Variants in ARSB observed in about 807,000 individuals in gnomAD.
ARSB encodes the protein arylsulfatase B.
In ARSB, 41 loss-of-function variants were observed where a neutral mutation model predicts 50.9. That is an observed-to-expected ratio of 0.81 (90% CI 0.63 to 1.04). The LOEUF (loss-of-function observed/expected upper bound fraction) is 1.04, where lower values mean the gene tolerates loss of function less well. Among genes scored for constraint, ARSB ranks in the 50% least tolerant of loss-of-function variants. The probability of loss-of-function intolerance (pLI) is 0.00; values close to 1 mark genes in which losing one functional copy is unlikely to be tolerated. For missense variants in ARSB, 672 were observed against 693.3 expected, an observed-to-expected ratio of 0.97 and a Z score of 0.35; for synonymous variants, 269 against 284.8, an observed-to-expected ratio of 0.94 and a Z score of 0.56.
intron 5 of ARSB, among the ~76,000 whole-genome samples, chr5:78,849,330 C>T (rs998280675): frequency 2.0e-5 from 3 of 152,274 alleles, no homozygotes; most frequent in East Asian, 1.9e-4. Flanking sequence ...GGAATCCTTT[C>T]CCCATTGCTT....
chr5:78,873,805 AT>A (rs1747357909), intron 5 of ARSB, among the ~76,000 whole-genome samples: 1 of 152,182 alleles, frequency 6.6e-6, no homozygotes, highest in Non-Finnish European at 1.5e-5. Flanking sequence ...TAAAACTGTA[AT>A]TTTTAAAAAC....
intron 4 of ARSB, among the ~76,000 whole-genome samples, chr5:78,933,238 G>A (rs757733481): frequency 1.3e-5 from 2 of 152,168 alleles, no homozygotes; most frequent in Admixed American, 6.5e-5. Flanking sequence ...ATATACCCAT[G>A]GATTGAAGAA....
chr5:78,818,900 T>C (rs940996688), intron 6 of ARSB, among the ~76,000 whole-genome samples: 19 of 152,138 alleles, frequency 1.2e-4, no homozygotes, highest in African/African-American at 4.6e-4. Flanking sequence ...TTGCAAGCAG[T>C]TGTTTATAGA....
rs529000230 is a variant in ARSB, at chr5:78,809,152, T to C, written c.1214-27178A>G. ...CAAAGAATGTGAATAAATAACTCTA[T>C]CATAATGGGCTAGAGCTACAGGTGC... On this transcript the variant is annotated intron_variant, in intron 6 of 7. Coordinates refer to ENST00000264914, the MANE Select transcript of ARSB (RefSeq NM_000046.5). Among the ~76,000 whole-genome samples the C allele has an allele frequency of 2.1e-4, 32 of 152,220 alleles. No homozygotes were observed. The Middle Eastern group carries it at 0.014, about 65-fold the overall frequency.
intron 4 of ARSB, among the ~76,000 whole-genome samples, chr5:78,914,860 T>A (rs1580054498): frequency 6.6e-6 from 1 of 151,998 alleles, no homozygotes; most frequent in Non-Finnish European, 1.5e-5. Flanking sequence ...AGAGGCAGGG[T>A]TTGGTCATGT....
chr5:78,916,845 T>A (rs1229967421), intron 4 of ARSB, among the ~76,000 whole-genome samples: 2 of 145,476 alleles, frequency 1.4e-5, no homozygotes, highest in African/African-American at 5.0e-5. Context: ...TATTTCAATG[T>A]CAAACTTTAA....
At chr5:78,905,787 C>T (rs1441863366) in intron 4 of ARSB, among the ~76,000 whole-genome samples, 2 of 151,912 alleles carry the variant, frequency 1.3e-5, no homozygotes, top group Non-Finnish European at 2.9e-5. Flanking sequence ...CACCCCCAAC[C>T]TCCGCTCCAG....
At chr5:78,985,362 C>A (rs1177644516), upstream of ARSB, 2 of 1,077,062 alleles carry the variant, frequency 1.9e-6, no homozygotes, top group Non-Finnish European at 2.3e-6. Flanking sequence ...ACGGCACCCC[C>A]AGCGGGCCGT....
chr5:78,943,598 T>C (rs1418175420), intron 4 of ARSB, among the ~76,000 whole-genome samples: 2 of 152,232 alleles, frequency 1.3e-5, no homozygotes, highest in Non-Finnish European at 2.9e-5. Context: ...GAATGTTGAA[T>C]ATTGGCCCCC....
intron 5 of ARSB, among the ~76,000 whole-genome samples, chr5:78,865,814 G>A (rs1177793945): frequency 6.6e-6 from 1 of 152,134 alleles, no homozygotes; most frequent in African/African-American, 2.4e-5. Flanking sequence ...TAGGGCAGGG[G>A]CAAAATGTCA....
In ARSB at chr5:78,876,850, T is replaced by C. The variant is rs145557770; in HGVS notation, c.1142+8734A>G. Among the ~76,000 whole-genome samples, 4 of 152,354 alleles carry C rather than the reference T, an allele frequency of 2.6e-5. No homozygotes were observed. The East Asian group carries it at 7.7e-4, about 29-fold the overall frequency. On this transcript the variant is annotated intron_variant, in intron 5 of 7. Transcript: ENST00000264914. The stretch of plus-strand genomic sequence containing the variant: ...GCTTTACTGCCTGAGTTCTGCCTTC[T>C]GTCAGATTAGTGGCAGCACTAAATC...
At chr5:78,971,401 G>C (rs897594880) in intron 1 of ARSB, among the ~76,000 whole-genome samples, 2 of 152,224 alleles carry the variant, frequency 1.3e-5, no homozygotes, top group Non-Finnish European at 2.9e-5. Context: ...GAATAAACAG[G>C]CTCTGGGGAC....
intron 6 of ARSB, among the ~76,000 whole-genome samples, chr5:78,790,300 T>A (rs1749201954): frequency 6.6e-6 from 1 of 152,088 alleles, no homozygotes; most frequent in Non-Finnish European, 1.5e-5. Flanking sequence ...GGCTGTGTGA[T>A]CTTGGTGTTA....
At chr5:78,965,544 T>C (rs988588375) in intron 2 of ARSB, among the ~76,000 whole-genome samples, 92 of 152,282 alleles carry the variant, frequency 6.0e-4, no homozygotes, top group African/African-American at 2.1e-3. Context: ...TACAATTGGA[T>C]TGCCATGATA....
chr5:78,820,450 A>C (rs1030335039), intron 6 of ARSB, among the ~76,000 whole-genome samples: 2 of 152,052 alleles, frequency 1.3e-5, no homozygotes, highest in Admixed American at 6.6e-5. Flanking sequence ...AGTCCCACCT[A>C]CTCGGGAGGC....
intron 5 of ARSB, among the ~76,000 whole-genome samples, chr5:78,856,235 C>T (rs986713859): frequency 3.9e-5 from 6 of 152,184 alleles, no homozygotes; most frequent in African/African-American, 1.4e-4. Flanking sequence ...TTAAGAATCA[C>T]TGCTCTCTGG....
At chr5:78,839,863 A>C (rs767417367) in intron 5 of ARSB, among the ~76,000 whole-genome samples, 5 of 152,234 alleles carry the variant, frequency 3.3e-5, no homozygotes, top group Non-Finnish European at 2.9e-5. Context: ...AGTAACCTAC[A>C]TCAGAAAAAT....
chr5:78,925,340 C>A (rs746754924), intron 4 of ARSB, among the ~76,000 whole-genome samples: 1 of 152,154 alleles, frequency 6.6e-6, no homozygotes, highest in African/African-American at 2.4e-5. Context: ...AAATGCCATT[C>A]ATTTCCAGTC....
At chr5:78,794,622 G>C (rs1743114807) in intron 6 of ARSB, among the ~76,000 whole-genome samples, 1 of 152,008 alleles carries the variant, frequency 6.6e-6, no homozygotes, top group East Asian at 1.9e-4. Flanking sequence ...GGAGGAGGAG[G>C]GAGAGGAGGA....
Sources: gnomAD v4.1 joint callset for allele counts (sites outside exome capture counted in the v4.1 genomes callset) on GRCh38, gnomAD v4.1.1 for gene constraint, MANE v1.5 for transcripts, NCBI Gene and HGNC (gene_info 2026-07-23, HGNC 2026-07-21) for gene names.